The following FBXW12 variants were observed in gnomAD, a reference collection of about 807,000 sequenced individuals.
FBXW12 encodes the protein F-box and WD repeat domain containing 12, also known as F-box/WD repeat-containing protein 12.
Under a neutral mutation model 55.3 loss-of-function variants are expected in FBXW12, and 43 were observed. That is an observed-to-expected ratio of 0.78 (90% CI 0.61 to 1.00). The LOEUF (loss-of-function observed/expected upper bound fraction) is 1.00, where lower values mean the gene tolerates loss of function less well. Ranked by LOEUF, FBXW12 falls within the 50% of genes least tolerant of loss-of-function variation. The pLI is 0.00. For synonymous variants in FBXW12, 184 were observed against 203.8 expected, an observed-to-expected ratio of 0.90 and a Z score of 0.83; for missense variants, 524 against 560.5, an observed-to-expected ratio of 0.93 and a Z score of 0.66.
At chr3:48,391,355 C>CACACACAT (rs1301553701) in intron 10 of FBXW12, among the ~76,000 whole-genome samples, 1,538 of 141,538 alleles carry the variant, frequency 0.011, 28 homozygotes, top group African/African-American at 0.036. Context: ...CACACACACA[C>CACACACAT]ATATATATAT....
In FBXW12 at chr3:48,392,986, CTT is replaced by C. The variant is rs782102353; in HGVS notation, c.1296-1549_1296-1548del. The stretch of plus-strand genomic sequence containing the variant: ...CTTTGTGGGCAGAGGAAGGGGTACC[CTT>C]TTTTTTTTTTTTTTTTTTTTTTTTG... On this transcript the variant is annotated intron_variant, in intron 10 of 10. Coordinates refer to ENST00000296438, the MANE Select transcript of FBXW12 (RefSeq NM_207102.2). 5.8e-3 allele frequency among the ~76,000 whole-genome samples: 723 copies of C among 124,844 alleles called. 1 individual carries two copies. Among genetic ancestry groups the C allele is most frequent in the African/African-American group, 0.02 (672 of 32,952 alleles). 81.9% of individuals were successfully genotyped at this position (124,844 alleles called of 152,430 possible).
At chr3:48,383,510 C>T (rs1356917465) in intron 10 of FBXW12, among the ~76,000 whole-genome samples, 1 of 152,036 alleles carries the variant, frequency 6.6e-6, no homozygotes, top group Non-Finnish European at 1.5e-5. Context: ...TAAGGGTTTG[C>T]AAATATTTTC....
intron 5 of FBXW12, among the ~76,000 whole-genome samples, chr3:48,375,732 T>C (rs1397122090): frequency 2.0e-5 from 3 of 152,164 alleles, no homozygotes; most frequent in East Asian, 3.9e-4. Context: ...TGGAGTGCAG[T>C]GGCAGGATCT....
intron 10 of FBXW12, among the ~76,000 whole-genome samples, chr3:48,384,303 A>G (rs1229949756): frequency 6.6e-6 from 1 of 152,176 alleles, no homozygotes; most frequent in African/African-American, 2.4e-5. Context: ...TGGTGCTATT[A>G]TAAAGAGTAC....
At chr3:48,380,611 A>C (rs2036751605) in intron 7 of FBXW12, 91 bp from the exon 8 acceptor site, 3 of 926,972 alleles carry the variant, frequency 3.2e-6, no homozygotes, top group Non-Finnish European at 5.3e-6. Context: ...CCACAAGATG[A>C]GAATTTCTAA....
At position 48,375,447 on chromosome 3, in the gene FBXW12, A is replaced by T; in HGVS notation, c.380A>T (p.Glu127Val). ...ATTTGTAGTGTATCTCCAAAGCAAGAGCTTTGTGCCTGGGATGTGCAAGAG... is the reference window on the plus strand; with the variant it reads ...ATTTGTAGTGTATCTCCAAAGCAAGTGCTTTGTGCCTGGGATGTGCAAGAG... ...SIICSVSPKQ[E>V]LCAWDVQEGT... Residue 127 changes from glutamate (E) to valine (V), a missense_variant, in exon 5 of 11, where the codon GAG becomes GTG. By Grantham distance (121) the Glu-to-Val change is moderately radical. Coordinates refer to ENST00000296438, the MANE Select transcript of FBXW12 (RefSeq NM_207102.2). 1 of 1,608,106 alleles carries T rather than the reference A, an allele frequency of 6.2e-7. No homozygotes were observed. The highest frequency in any genetic ancestry group is 8.5e-7 in the Non-Finnish European group (1 of 1,176,804).
At chr3:48,381,064 C>T (rs1334403843) in intron 8 of FBXW12, 152 bp downstream of exon 8, 13 of 656,804 alleles carry the variant, frequency 2.0e-5, no homozygotes, top group Non-Finnish European at 3.3e-5. Context: ...GCTCTGTTGC[C>T]CAGGCTGGAG....
intron 7 of FBXW12, chr3:48,379,967 C>T (rs1037938403): frequency 8.9e-5 from 16 of 179,810 alleles, no homozygotes; most frequent in African/African-American, 3.3e-4. Flanking sequence ...GGCATCAATA[C>T]GTTCACCTCC....
intron 5 of FBXW12, among the ~76,000 whole-genome samples, 172 bp from the exon 6 acceptor site, chr3:48,378,145 T>C (rs1560030912): frequency 6.6e-6 from 1 of 152,226 alleles, no homozygotes. Context: ...GTGTAGTTCC[T>C]GTTTTCATGT....
intron 7 of FBXW12, chr3:48,379,886 G>T: frequency 3.8e-6 from 1 of 264,642 alleles, no homozygotes; most frequent in Non-Finnish European, 7.3e-6. Context: ...AGGCTGAGGC[G>T]GGAGGATCAC....
intron 4 of FBXW12, among the ~76,000 whole-genome samples, chr3:48,374,712 C>T (rs1053092905): frequency 1.2e-4 from 18 of 151,408 alleles, no homozygotes; most frequent in African/African-American, 4.4e-4. Flanking sequence ...GCGATCCTCC[C>T]ACCTCGGCCT....
Position 48,372,761 on chromosome 3 carries a change from G to A in FBXW12, c.-7G>A, listed in dbSNP as rs760906656. ...AGGAAAGTGGATGTGGGTTCAGGCC[G>A]CATGAAATGGAGATCCGATTGCCTG... is the stretch of plus-strand genomic sequence containing the variant. On this transcript the variant is annotated 5_prime_UTR_variant, in exon 2 of 11. Transcript: ENST00000296438. The A allele has an allele frequency of 9.9e-6, 16 of 1,614,008 alleles. No homozygotes were observed. Among genetic ancestry groups the A allele is most frequent in the African/African-American group, 8.0e-5 (6 of 74,926 alleles).
intron 4 of FBXW12, 105 bp downstream of exon 4, chr3:48,373,810 A>G: frequency 9.2e-7 from 1 of 1,086,312 alleles, no homozygotes; most frequent in Admixed American, 2.3e-5. Flanking sequence ...CAGTAAAGGG[A>G]AAAGGAATTA....
intron 8 of FBXW12, 33 bp from the exon 9 acceptor site, chr3:48,381,667 G>A (rs2036776450): frequency 2.4e-5 from 36 of 1,513,494 alleles, no homozygotes; most frequent in Non-Finnish European, 3.1e-5. Context: ...TTATGTGTGT[G>A]TGTATATATA....
At chr3:48,390,392 A>C (rs1192555347) in intron 10 of FBXW12, among the ~76,000 whole-genome samples, 2 of 133,608 alleles carry the variant, frequency 1.5e-5, no homozygotes, top group Non-Finnish European at 3.2e-5. Context: ...TTTTAATGTC[A>C]CCTAGGATTT....
chr3:48,381,568 T>G, intron 8 of FBXW12, 132 bp from the exon 9 acceptor site: 1 of 1,024,098 alleles, frequency 9.8e-7, no homozygotes, highest in Non-Finnish European at 1.3e-6. Context: ...CTTCATTTTC[T>G]TCCCCGGAAT....
chr3:48,375,974 C>CTTTTTTTTT (rs34834484), intron 5 of FBXW12, among the ~76,000 whole-genome samples: 1 of 40,618 alleles, frequency 2.5e-5, no homozygotes, highest in Non-Finnish European at 4.3e-5. Flanking sequence ...TGCGCCCGGC[C>CTTTTTTTTT]TTTTTTTTTT....
intron 10 of FBXW12, among the ~76,000 whole-genome samples, chr3:48,389,828 G>A (rs528211194): frequency 6.6e-6 from 1 of 152,252 alleles, no homozygotes; most frequent in South Asian, 2.1e-4. Flanking sequence ...CCTATAGTTT[G>A]GGGTCTTACA....
At chr3:48,375,984 T>C (rs1417040155) in intron 5 of FBXW12, among the ~76,000 whole-genome samples, 29 of 128,602 alleles carry the variant, frequency 2.3e-4, no homozygotes, top group African/African-American at 8.3e-4. Context: ...CTTTTTTTTT[T>C]TTTTTTTTTT....
Sources: gnomAD v4.1 joint callset for allele counts (sites outside exome capture counted in the v4.1 genomes callset) on GRCh38, gnomAD v4.1.1 for gene constraint, MANE v1.5 for transcripts, NCBI Gene and HGNC (gene_info 2026-07-23, HGNC 2026-07-21) for gene names.